The following SLC39A5 variants were observed in gnomAD, a reference collection of about 807,000 sequenced individuals.
SLC39A5 encodes zinc transporter ZIP5.
Under a neutral mutation model 46.9 loss-of-function variants are expected in SLC39A5, and 42 were observed. The observed-to-expected ratio is 0.90, with a 90% CI of 0.70 to 1.16. The LOEUF (loss-of-function observed/expected upper bound fraction) is 1.16, where lower values mean the gene tolerates loss of function less well. SLC39A5 is among the 50% of genes most tolerant of loss of function. The probability of loss-of-function intolerance (pLI) is 0.00; values close to 1 mark genes in which losing one functional copy is unlikely to be tolerated. For missense variants in SLC39A5, 677 were observed against 686.8 expected (o/e 0.99, Z 0.16); for synonymous variants, 311 against 323.1 (o/e 0.96, Z 0.40).
rs778094582 is a variant in SLC39A5, at chr12:56,232,810, C to T, written c.409C>T (p.Leu137=). Residue 137 remains leucine (L), a synonymous_variant, in exon 5 of 13, where the codon CTG becomes TTG. Transcript: ENST00000454355. ...ACCCCGTGGGCCAGCCCCCTCGGGC[C>T]TGGACCTCCTTCACAGGCTTCTGTT... ...HLPRGPAPSG[L]DLLHRLLLLD... is the part of the protein sequence containing the mutation. 1 of 1,613,188 alleles carries T rather than the reference C, an allele frequency of 6.2e-7. No individual in the cohort carries two copies. Among genetic ancestry groups the T allele is most frequent in the Non-Finnish European group, 8.5e-7 (1 of 1,179,670 alleles).
rs1364802725 is a variant in SLC39A5, at chr12:56,237,154, C to G, written c.1293C>G (p.Asp431Glu). Residue 431 changes from aspartate (D) to glutamate (E), a missense_variant, in exon 12 of 13, where the codon GAC (aspartate) becomes GAG (glutamate). Transcript: ENST00000454355. ...CCTGTCCTCTGTCTCCAATAGGTGA[C>G]TTTGCCATGCTGCTCCAGTCAGGGC... ...FCHELPHELGDFAMLLQSGLS... is the reference protein window; with the variant it reads ...FCHELPHELGEFAMLLQSGLS... The G allele has an allele frequency of 7.4e-6, 12 of 1,613,696 alleles. No individual in the cohort carries two copies. The highest frequency in any genetic ancestry group is 3.3e-5 in the South Asian group (3 of 91,090).
rs769039593 is a variant in SLC39A5, at chr12:56,232,696, A to C, written c.295A>C (p.Asn99His). ...CTGTCTCATCCATTCCAGGCCACAG[A>C]ACCCTGAGCTGAGTGTGGATGTCTG... ...AADNSTHRPQ[N>H]PELSVDVWAG... is the part of the protein sequence containing the mutation. Residue 99 changes from asparagine to histidine, a missense_variant, in exon 5 of 13, where the codon AAC becomes CAC. Physicochemically the swap from Asn to His is moderately conservative, Grantham distance 68. Coordinates refer to ENST00000454355, the MANE Select transcript of SLC39A5 (RefSeq NM_173596.3). The C allele has an allele frequency of 1.2e-6, 2 of 1,601,166 alleles. No homozygotes were observed. The highest frequency in any genetic ancestry group is 2.7e-5 in the African/African-American group (2 of 73,782).
chr12:56,237,524 C>T (rs1006809050), intron 12 of SLC39A5, 64 bp from the exon 13 acceptor site: 2 of 1,606,096 alleles, frequency 1.2e-6, no homozygotes, highest in African/African-American at 2.7e-5. Flanking sequence ...TTTCTGACAC[C>T]ATTCCTCTGG....
In SLC39A5 at chr12:56,236,415, G is replaced by T. The variant is rs534514470; in HGVS notation, c.965G>T (p.Arg322Leu). The change falls in exon 9 of 13, where the codon CGA (arginine) becomes CTA (leucine). Residue 322 changes from arginine (R) to leucine (L), a missense_variant. Transcript: ENST00000454355. ...GLRPRCCRRKRRNLETRNLDP... is the reference protein window; with the variant it reads ...GLRPRCCRRKLRNLETRNLDP... ...TTTCAGAGATGCTGCAGGCGAAAAC[G>T]AAGGAATCTCGAAACACGCAACTTG... The T allele has an allele frequency of 6.2e-7, 1 of 1,614,104 alleles. No individual in the cohort carries two copies. Among genetic ancestry groups the T allele is most frequent in the Non-Finnish European group, 8.5e-7 (1 of 1,180,042 alleles).
rs1870625027 is a variant in SLC39A5 at position 56,235,263 on chromosome 12, C to T, written c.741C>T (p.Gly247=). 2 of 1,574,316 alleles carry T rather than the reference C, an allele frequency of 1.3e-6. No individual in the cohort carries two copies. The highest frequency in any genetic ancestry group is 8.6e-7 in the Non-Finnish European group (1 of 1,163,498). The change falls in exon 7 of 13, where the codon GGC becomes GGT. Residue 247 remains glycine, a synonymous_variant. Coordinates refer to ENST00000454355, the MANE Select transcript of SLC39A5 (RefSeq NM_173596.3). ...CTCGTCTACTACGGCCCTTGCTGGG[C>T]TTCCTGGGGGCCCTGGCGGTGGGCA... The part of the protein sequence containing the change: ...LGPRLLRPLL[G]FLGALAVGTL...
Position 56,237,400 on chromosome 12 carries a change from G to A in SLC39A5, c.1479+60G>A, listed in dbSNP as rs1448964487. 2.6e-6 allele frequency: 4 copies of A among 1,540,778 alleles called. No individual in the cohort carries two copies. In the African/African-American group the frequency reaches 5.5e-5, roughly 21 times the overall value. On this transcript the variant is annotated intron_variant, in intron 12 of 12. Coordinates refer to ENST00000454355, the MANE Select transcript of SLC39A5 (RefSeq NM_173596.3). The stretch of plus-strand genomic sequence containing the variant: ...GCAGTGGGGAGGCGGGAGTGGAGAG[G>A]GAGGTAGCAGTCCCTCCGCCTCTAC...
Position 56,236,921 on chromosome 12 carries a change from C to G in SLC39A5, c.1208-10C>G, listed in dbSNP as rs763954734. 6 of 1,613,972 alleles carry G rather than the reference C, an allele frequency of 3.7e-6. No homozygotes were observed. In the Middle Eastern group the frequency reaches 6.6e-4, roughly 177 times the overall value. On this transcript the variant is annotated splice_polypyrimidine_tract_variant and intron_variant, in intron 10 of 12. Coordinates refer to ENST00000454355, the MANE Select transcript of SLC39A5 (RefSeq NM_173596.3). ...TCTGGACTGACAACTTCCGACCCTGCTGGCCCCAGGTGCTGCCTTCTCTGA... is the reference window on the plus strand; with the variant it reads ...TCTGGACTGACAACTTCCGACCCTGGTGGCCCCAGGTGCTGCCTTCTCTGA...
chr12:56,237,550 G>C, intron 12 of SLC39A5, 38 bp from the exon 13 acceptor site: 1 of 1,612,960 alleles, frequency 6.2e-7, no homozygotes, highest in South Asian at 1.1e-5. Flanking sequence ...AGAGGTCAGG[G>C]GCAAGGCCAG....
intron 4 of SLC39A5, among the ~76,000 whole-genome samples, chr12:56,232,242 T>A (rs560516367): frequency 6.8e-6 from 1 of 147,896 alleles, no homozygotes; most frequent in Non-Finnish European, 1.5e-5. Flanking sequence ...CTTGGCTCAC[T>A]GTAACCTCTG....
chr12:56,233,558 G>A (rs1017582834), intron 5 of SLC39A5, among the ~76,000 whole-genome samples: 3 of 152,206 alleles, frequency 2.0e-5, no homozygotes, highest in African/African-American at 4.8e-5. Flanking sequence ...CAGAGCAGGT[G>A]AGCCCATATC....
rs1244995131 is a variant in SLC39A5, at chr12:56,235,175, T to C, written c.653T>C (p.Leu218Pro). Residue 218 changes from leucine (L) to proline (P), a missense_variant, in exon 7 of 13, where the codon CTG (leucine) becomes CCG (proline). Coordinates refer to ENST00000454355, the MANE Select transcript of SLC39A5 (RefSeq NM_173596.3). ...DLLSALLQSA[L>P]AVLLLSLPSP... is the part of the protein sequence containing the mutation. ...TCCCCAGCCCTGCTTCAGAGTGCCCTGGCAGTCCTGTTGCTCAGCCTCCCT... is the reference window on the plus strand; with the variant it reads ...TCCCCAGCCCTGCTTCAGAGTGCCCCGGCAGTCCTGTTGCTCAGCCTCCCT... 2.6e-6 allele frequency: 4 copies of C among 1,551,848 alleles called. No homozygotes were observed. Among genetic ancestry groups the C allele is most frequent in the Middle Eastern group, 1.7e-4 (1 of 5,746 alleles).
chr12:56,234,938 G>A lies in SLC39A5; in HGVS notation c.586G>A (p.Val196Ile), dbSNP rs770598737. 2.9e-5 allele frequency: 47 copies of A among 1,613,608 alleles called. No individual in the cohort carries two copies. In the Admixed American group the frequency reaches 4.2e-4, roughly 14 times the overall value. Residue 196 changes from valine to isoleucine, a missense_variant, in exon 6 of 13, where the codon GTC becomes ATC. Physicochemically the swap from Val to Ile is conservative, Grantham distance 29. Transcript: ENST00000454355. ...PALLYQIDSRVCIGAPAPAPP... is the reference protein window; with the variant it reads ...PALLYQIDSRICIGAPAPAPP... ...CCTGCTTTATCAGATCGACAGCCGC[G>A]TCTGCATCGGCGCTCCGGCCCCTGC...
Position 56,235,321 on chromosome 12 carries a change from C to T in SLC39A5, c.799C>T (p.Pro267Ser). 1 of 1,519,642 alleles carries T rather than the reference C, an allele frequency of 6.6e-7. No homozygotes were observed. The highest frequency in any genetic ancestry group is 1.3e-5 in the South Asian group (1 of 76,518). The allele number at this position is 1,519,642 out of a possible 1,614,324, so 94.1% of individuals were successfully genotyped here. ...TGGGGATGCACTGCTACATCTGCTACCGCATGTATGTGAAGCCCCTTCCTT... is the reference window on the plus strand; with the variant it reads ...TGGGGATGCACTGCTACATCTGCTATCGCATGTATGTGAAGCCCCTTCCTT... The part of the protein sequence containing the change: ...LCGDALLHLL[P>S]HAQEGRHAGP... The change falls in exon 7 of 13, where the codon CCG (proline) becomes TCG (serine). Residue 267 changes from proline to serine, a missense_variant. Physicochemically the swap from Pro to Ser is moderately conservative, Grantham distance 74 (BLOSUM62 -1). Transcript: ENST00000454355.
intron 7 of SLC39A5, 31 bp downstream of exon 7, chr12:56,235,357 C>G (rs781735587): frequency 1.3e-6 from 2 of 1,507,110 alleles, no homozygotes; most frequent in African/African-American, 1.4e-5. Flanking sequence ...GTACCCCTGG[C>G]CTCCATGGAT....
chr12:56,234,442 G>C (rs1012798096), intron 5 of SLC39A5, among the ~76,000 whole-genome samples: 2 of 151,806 alleles, frequency 1.3e-5, no homozygotes, highest in Non-Finnish European at 2.9e-5. Context: ...AGCCTCCTGA[G>C]TAGCTGGGAT....
chr12:56,235,015 C>A (rs1338141482), intron 6 of SLC39A5, 29 bp downstream of exon 6: 2 of 1,610,268 alleles, frequency 1.2e-6, no homozygotes, highest in Non-Finnish European at 1.7e-6. Context: ...GTGGGGGACA[C>A]CCTGAATCCT....
At chr12:56,233,264 C>CAAAAAAA (rs71081337) in intron 5 of SLC39A5, among the ~76,000 whole-genome samples, 2 of 31,032 alleles carry the variant, frequency 6.4e-5, no homozygotes, top group Non-Finnish European at 1.1e-4. Flanking sequence ...GACTCTGTCT[C>CAAAAAAA]AAAAAAAAAA....
intron 7 of SLC39A5, 48 bp downstream of exon 7, chr12:56,235,374 T>C (rs1350227661): frequency 6.6e-7 from 1 of 1,505,808 alleles, no homozygotes; most frequent in Non-Finnish European, 8.8e-7. Flanking sequence ...GGATCTAAGG[T>C]GTCCCCAGCC....
chr12:56,235,840 C>T (rs775960846), intron 8 of SLC39A5, 140 bp downstream of exon 8: 30 of 1,078,328 alleles, frequency 2.8e-5, no homozygotes, highest in Non-Finnish European at 4.0e-5. Context: ...GTTAGGAGTT[C>T]GAGTCCAGCC....
Sources: gnomAD v4.1 joint callset for allele counts (sites outside exome capture counted in the v4.1 genomes callset) on GRCh38, gnomAD v4.1.1 for gene constraint, MANE v1.5 for transcripts, NCBI Gene and HGNC (gene_info 2026-07-23, HGNC 2026-07-21) for gene names.